WWOX: variants seen among roughly 807,000 people sequenced by gnomAD.
WWOX encodes WW domain-containing oxidoreductase.
WWOX carries 69 observed loss-of-function variants against 46.2 expected under a neutral mutation model. That is an observed-to-expected ratio of 1.49 (90% confidence interval 1.23 to 1.82). The LOEUF is 1.82. Ranked by LOEUF, WWOX falls within the 40% of genes most tolerant of loss-of-function variation. The pLI, the probability that WWOX is intolerant of heterozygous loss-of-function variation, is 0.00. For missense variants in WWOX, 919 were observed against 542.6 expected, an observed-to-expected ratio of 1.69 and a Z score of -6.89; for synonymous variants, 359 against 202.6, an observed-to-expected ratio of 1.77 and a Z score of -6.56.
At chr16:78,965,238 G>A (rs1360718717) in intron 8 of WWOX, among the ~76,000 whole-genome samples, 1 of 152,220 alleles carries the variant, frequency 6.6e-6, no homozygotes, top group Non-Finnish European at 1.5e-5. Context: ...CAATTCCACA[G>A]AGATAGTATT....
intron 5 of WWOX, among the ~76,000 whole-genome samples, chr16:78,184,169 C>G (rs1567617606): frequency 6.6e-6 from 1 of 152,230 alleles, no homozygotes; most frequent in African/African-American, 2.4e-5. Context: ...CGGTGCTTCT[C>G]TGTAGGAGGA....
At chr16:79,151,076 A>C (rs1042533040) in intron 8 of WWOX, among the ~76,000 whole-genome samples, 1 of 152,180 alleles carries the variant, frequency 6.6e-6, no homozygotes, top group African/African-American at 2.4e-5. Context: ...CACATCTATG[A>C]AATACGTAAA....
Position 78,983,830 on chromosome 16 carries a change from A to G in WWOX, c.1057-227778A>G, listed in dbSNP as rs201639522. Among the ~76,000 whole-genome samples, 5 of 148,416 alleles carry G rather than the reference A, an allele frequency of 3.4e-5. No homozygotes were observed. In the East Asian group the frequency reaches 9.9e-4, roughly 29 times the overall value. On this transcript the variant is annotated intron_variant, in intron 8 of 8. Coordinates refer to ENST00000566780, the MANE Select transcript of WWOX (RefSeq NM_016373.4). ...GAGTTAGCTTAACTAATGCAGAACG[A>G]TAGGACTGGTGAAGCAGTCCATCTG... is the stretch of plus-strand genomic sequence containing the variant.
intron 8 of WWOX, among the ~76,000 whole-genome samples, chr16:78,577,289 G>C (rs1424267734): frequency 6.6e-6 from 1 of 152,184 alleles, no homozygotes; most frequent in Non-Finnish European, 1.5e-5. Context: ...TGTCCAGTTT[G>C]TTGTATTTGG....
rs541819297 is a variant in WWOX, at chr16:79,026,681, G to A, written c.1057-184927G>A. ...CGCCTAGGCTGCAGTGCAGTGGCGC[G>A]ATCTCAGCTCACTGCAACCTCCGCC... On this transcript the variant is annotated intron_variant, in intron 8 of 8. Transcript: ENST00000566780. Among the ~76,000 whole-genome samples, 6 of 143,792 alleles carry A rather than the reference G, an allele frequency of 4.2e-5. 1 individual carries two copies. The highest frequency in any genetic ancestry group is 1.6e-4 in the African/African-American group (6 of 37,688). 94.3% of individuals were successfully genotyped at this position (143,792 alleles called of 152,430 possible).
rs770463813 is a variant in WWOX at position 79,045,780 on chromosome 16, CTTTTTTTTTTTTTTTTTTTTTTT to C, written c.1057-165811_1057-165789del. 9.4e-4 allele frequency among the ~76,000 whole-genome samples: 51 copies of C among 54,232 alleles called. 1 individual carries two copies. Among genetic ancestry groups the C allele is most frequent in the African/African-American group, 1.5e-3 (28 of 18,362 alleles). 35.6% of individuals were successfully genotyped at this position (54,232 alleles called of 152,430 possible). On this transcript the variant is annotated intron_variant, in intron 8 of 8. Coordinates refer to ENST00000566780, the MANE Select transcript of WWOX (RefSeq NM_016373.4). ...AGCTCGTCTTTCCTTTTTTCTTTTC[CTTTTTTTTTTTTTTTTTTTTTTT>C]TTTTTTTTTTTTTTTTGAGATGGAG...
chr16:78,427,993 G>C (rs1475752887), intron 7 of WWOX, among the ~76,000 whole-genome samples: 1 of 151,002 alleles, frequency 6.6e-6, no homozygotes, highest in African/African-American at 2.4e-5. Context: ...GCTTGAACTT[G>C]GGAGGTGGAG....
intron 8 of WWOX, among the ~76,000 whole-genome samples, chr16:79,102,370 A>G (rs904633402): frequency 1.3e-4 from 20 of 152,260 alleles, no homozygotes; most frequent in African/African-American, 4.6e-4. Flanking sequence ...TGCATGCAAC[A>G]TCTCCTTCCA....
intron 8 of WWOX, among the ~76,000 whole-genome samples, chr16:78,979,825 G>A (rs8062872): frequency 2.0e-5 from 3 of 151,950 alleles, no homozygotes; most frequent in Non-Finnish European, 4.4e-5. Flanking sequence ...AGTGTGGGTA[G>A]TGATATAGAA....
chr16:78,351,688 G>A (rs529031347), intron 5 of WWOX, among the ~76,000 whole-genome samples: 11 of 152,178 alleles, frequency 7.2e-5, no homozygotes, highest in Admixed American at 2.0e-4. Context: ...ACAGAGTCTC[G>A]GTCTCTTGCC....
At chr16:78,153,945 G>A (rs1043035330) in intron 4 of WWOX, among the ~76,000 whole-genome samples, 1 of 152,070 alleles carries the variant, frequency 6.6e-6, no homozygotes, top group African/African-American at 2.4e-5. Context: ...AGGGGACAGG[G>A]TTCCCACCTT....
intron 8 of WWOX, among the ~76,000 whole-genome samples, chr16:78,482,486 G>C (rs2667566): frequency 1.3e-5 from 2 of 152,072 alleles, no homozygotes; most frequent in African/African-American, 4.8e-5. Context: ...GCCTCCGAAA[G>C]TGCTGGGATG....
At chr16:78,638,708 A>C (rs1009144254) in intron 8 of WWOX, among the ~76,000 whole-genome samples, 1 of 152,200 alleles carries the variant, frequency 6.6e-6, no homozygotes, top group Non-Finnish European at 1.5e-5. Flanking sequence ...CCAATCGAAT[A>C]CATTAGAGCA....
chr16:78,104,368 C>G (rs2032008257), intron 1 of WWOX, among the ~76,000 whole-genome samples: 1 of 152,096 alleles, frequency 6.6e-6, no homozygotes, highest in South Asian at 2.1e-4. Flanking sequence ...CATACACACA[C>G]ACACACACAC....
chr16:78,767,738 T>TA (rs1200009767), intron 8 of WWOX, among the ~76,000 whole-genome samples: 1 of 152,106 alleles, frequency 6.6e-6, no homozygotes, highest in African/African-American at 2.4e-5. Context: ...TTATTTTACT[T>TA]AAAAAAATAG....
At chr16:78,550,574 C>A (rs1264172521) in intron 8 of WWOX, among the ~76,000 whole-genome samples, 1 of 152,160 alleles carries the variant, frequency 6.6e-6, no homozygotes, top group Non-Finnish European at 1.5e-5. Context: ...ATGATATTTT[C>A]TACTATGGAT....
chr16:78,378,412 T>C lies in WWOX; in HGVS notation c.517-8448T>C, dbSNP rs150852460. Among the ~76,000 whole-genome samples, 12 of 152,278 alleles carry C rather than the reference T, an allele frequency of 7.9e-5. No individual in the cohort carries two copies. The East Asian group carries it at 2.3e-3, about 29-fold the overall frequency. On this transcript the variant is annotated intron_variant, in intron 5 of 8. Transcript: ENST00000566780. ...CAGGTTTGACTAAGAGAGAAAAGAATCACTAGTCAATGAAAGCAACTGTGT... is the reference window on the plus strand; with the variant it reads ...CAGGTTTGACTAAGAGAGAAAAGAACCACTAGTCAATGAAAGCAACTGTGT...
chr16:78,734,078 A>C (rs1157586398), intron 8 of WWOX, among the ~76,000 whole-genome samples: 1 of 152,012 alleles, frequency 6.6e-6, no homozygotes, highest in South Asian at 2.1e-4. Context: ...AAAACACAAA[A>C]AACTAAATAA....
intron 8 of WWOX, among the ~76,000 whole-genome samples, chr16:78,735,926 A>T (rs566379860): frequency 6.6e-6 from 1 of 151,968 alleles, no homozygotes; most frequent in Non-Finnish European, 1.5e-5. Flanking sequence ...TCTTTCTCTC[A>T]CCTCCGAATA....
Sources: allele counts gnomAD v4.1 joint callset (sites outside exome capture counted in the v4.1 genomes callset), GRCh38; gene constraint gnomAD v4.1.1; transcripts MANE v1.5; gene names NCBI Gene and HGNC (gene_info 2026-07-23, HGNC 2026-07-21).